Variants in TMEM178B observed in about 807,000 individuals in gnomAD.
TMEM178B encodes transmembrane protein 178B.
TMEM178B carries 5 observed loss-of-function variants against 31.0 expected under a neutral mutation model. That is an observed-to-expected ratio of 0.16 (90% CI 0.08 to 0.34). TMEM178B has a LOEUF of 0.34. TMEM178B is among the 10% of genes least tolerant of loss of function. TMEM178B has a pLI of 1.00. For missense variants in TMEM178B, 275 were observed against 400.3 expected (o/e 0.69, Z 2.67); for synonymous variants, 164 against 164.0 (o/e 1.00, Z 0.00).
chr7:141,102,357 G>T (rs1795072656), intron 1 of TMEM178B, among the ~76,000 whole-genome samples: 1 of 152,122 alleles, frequency 6.6e-6, no homozygotes, highest in Non-Finnish European at 1.5e-5. Flanking sequence ...TAGGACAGTG[G>T]TCACTTTGCT....
intron 1 of TMEM178B, among the ~76,000 whole-genome samples, chr7:141,100,431 CA>C (rs1317122546): frequency 6.6e-6 from 1 of 152,110 alleles, no homozygotes; most frequent in African/African-American, 2.4e-5. Flanking sequence ...GAGATGCTAG[CA>C]TTTTCTATAA....
intron 2 of TMEM178B, among the ~76,000 whole-genome samples, chr7:141,221,883 A>G (rs373302829): frequency 3.3e-5 from 5 of 152,224 alleles, no homozygotes; most frequent in Non-Finnish European, 7.3e-5. Context: ...AAGTGTCTGC[A>G]TTATCTGGGG....
intron 1 of TMEM178B, among the ~76,000 whole-genome samples, chr7:141,114,663 C>T (rs372851646): frequency 7.9e-5 from 12 of 152,192 alleles, no homozygotes; most frequent in East Asian, 3.8e-4. Flanking sequence ...ATTAATGTGC[C>T]GGTGCACTGG....
intron 2 of TMEM178B, among the ~76,000 whole-genome samples, chr7:141,245,931 A>G (rs1273023774): frequency 3.9e-5 from 6 of 152,184 alleles, no homozygotes; most frequent in Non-Finnish European, 7.3e-5. Context: ...CTCACTCTGG[A>G]ACCACCGTCA....
At position 141,177,050 on chromosome 7, in the gene TMEM178B, G is replaced by A. The variant is rs181692418; in HGVS notation, c.383-35541G>A. Among the ~76,000 whole-genome samples, 186 of 152,040 alleles carry A rather than the reference G, an allele frequency of 1.2e-3. 1 individual carries two copies. Among genetic ancestry groups the A allele is most frequent in the East Asian group, 6.8e-3 (35 of 5,180 alleles). On this transcript the variant is annotated intron_variant, in intron 1 of 3. Transcript: ENST00000565468. Reference sequence around the variant, plus strand: ...CTTTTAATTGTGATGTTAGGGTTTCGATTTTAGATCTTTCTTGCTTTCTCT... The same window carrying A: ...CTTTTAATTGTGATGTTAGGGTTTCAATTTTAGATCTTTCTTGCTTTCTCT...
chr7:141,335,509 C>T (rs1799369176), intron 2 of TMEM178B, among the ~76,000 whole-genome samples: 2 of 152,172 alleles, frequency 1.3e-5, no homozygotes, highest in Non-Finnish European at 2.9e-5. Context: ...TGGACAGGCA[C>T]CCTGTGCAGG....
intron 2 of TMEM178B, among the ~76,000 whole-genome samples, chr7:141,299,093 A>AGTG (rs1365853787): frequency 1.3e-5 from 2 of 152,070 alleles, no homozygotes; most frequent in Admixed American, 6.6e-5. Context: ...GCTGCCTCGT[A>AGTG]GTGGTGGTGG....
chr7:141,149,719 C>T (rs758874907), intron 1 of TMEM178B, among the ~76,000 whole-genome samples: 26 of 152,130 alleles, frequency 1.7e-4, no homozygotes, highest in Admixed American at 1.7e-3. Flanking sequence ...GAGAAGGGAG[C>T]GATGCAACTG....
At chr7:141,129,018 TG>T (rs1377743551) in intron 1 of TMEM178B, among the ~76,000 whole-genome samples, 3 of 152,244 alleles carry the variant, frequency 2.0e-5, no homozygotes, top group Non-Finnish European at 4.4e-5. Flanking sequence ...AGGTTTCTCC[TG>T]TGGAAGTCAG....
intron 1 of TMEM178B, among the ~76,000 whole-genome samples, chr7:141,169,212 G>A (rs1219752263): frequency 1.1e-4 from 17 of 152,090 alleles, no homozygotes; most frequent in Admixed American, 2.6e-4. Context: ...TCCACCATCC[G>A]ATAGGCCCCA....
chr7:141,212,579 T>G lies in TMEM178B; in HGVS notation c.383-12T>G, dbSNP rs1797067671. ...CTTCCTTAACATTTTGTTTCCTGTT[T>G]CTCTTTTCTAGGAGAAATTGAGCGA... On this transcript the variant is annotated splice_polypyrimidine_tract_variant and intron_variant, in intron 1 of 3. Coordinates refer to ENST00000565468, the MANE Select transcript of TMEM178B (RefSeq NM_001195278.2). The G allele has an allele frequency of 6.5e-7, 1 of 1,534,450 alleles. No homozygotes were observed. The highest frequency in any genetic ancestry group is 1.4e-5 in the African/African-American group (1 of 73,000).
intron 1 of TMEM178B, among the ~76,000 whole-genome samples, chr7:141,122,502 G>C (rs1228450867): frequency 6.6e-6 from 1 of 152,194 alleles, no homozygotes; most frequent in Non-Finnish European, 1.5e-5. Flanking sequence ...AAGGGATGTT[G>C]ATTCTGCAAA....
chr7:141,145,384 C>T (rs1795835410), intron 1 of TMEM178B, among the ~76,000 whole-genome samples: 1 of 152,220 alleles, frequency 6.6e-6, no homozygotes, highest in Admixed American at 6.5e-5. Context: ...TTGTGCCTAG[C>T]TTTTCTGGCT....
chr7:141,378,633 G>T (rs574480789), intron 2 of TMEM178B, among the ~76,000 whole-genome samples: 2 of 152,342 alleles, frequency 1.3e-5, no homozygotes, highest in Admixed American at 1.3e-4. Context: ...TCCTTGTTTA[G>T]CCTCTACAGC....
chr7:141,336,220 T>G (rs1799384438), intron 2 of TMEM178B, among the ~76,000 whole-genome samples: 1 of 152,132 alleles, frequency 6.6e-6, no homozygotes. Context: ...CTGGCCACTC[T>G]GTACTTCCAG....
At chr7:141,371,065 T>C (rs1800106185) in intron 2 of TMEM178B, among the ~76,000 whole-genome samples, 1 of 152,236 alleles carries the variant, frequency 6.6e-6, no homozygotes, top group African/African-American at 2.4e-5. Flanking sequence ...TTTTCTCCCA[T>C]GTAGGCAGAT....
At chr7:141,399,301 G>A (rs1800711584) in intron 2 of TMEM178B, among the ~76,000 whole-genome samples, 1 of 152,228 alleles carries the variant, frequency 6.6e-6, no homozygotes, top group South Asian at 2.1e-4. Context: ...CTGGCCTTCA[G>A]TCTGTCCCTG....
intron 2 of TMEM178B, among the ~76,000 whole-genome samples, chr7:141,348,845 T>G (rs1799662150): frequency 6.6e-6 from 1 of 152,102 alleles, no homozygotes; most frequent in South Asian, 2.1e-4. Flanking sequence ...AATCAGAGCA[T>G]TAGCGAGCAG....
intron 1 of TMEM178B, among the ~76,000 whole-genome samples, chr7:141,132,860 A>G (rs1795615525): frequency 6.6e-6 from 1 of 152,128 alleles, no homozygotes; most frequent in South Asian, 2.1e-4. Flanking sequence ...CACTGCCACC[A>G]CCACTGGTGT....
Sources: allele counts gnomAD v4.1 joint callset (sites outside exome capture counted in the v4.1 genomes callset), GRCh38; gene constraint gnomAD v4.1.1; transcripts MANE v1.5; gene names NCBI Gene and HGNC (gene_info 2026-07-23, HGNC 2026-07-21).